PACRG: variants seen among roughly 807,000 people sequenced by gnomAD.
PACRG encodes the protein parkin coregulated gene protein.
Under a neutral mutation model 29.7 loss-of-function variants are expected in PACRG, and 29 were observed. That is an observed-to-expected ratio of 0.98 (90% CI 0.73 to 1.33). The LOEUF (loss-of-function observed/expected upper bound fraction) is 1.33. PACRG is among the 40% of genes most tolerant of loss of function. PACRG has a pLI of 0.00. For missense variants in PACRG, 279 were observed against 316.2 expected, an observed-to-expected ratio of 0.88 and a Z score of 0.89; for synonymous variants, 116 against 118.7, an observed-to-expected ratio of 0.98 and a Z score of 0.15.
intron 1 of PACRG, among the ~76,000 whole-genome samples, chr6:162,743,832 G>C (rs985998209): frequency 3.3e-5 from 5 of 151,454 alleles, no homozygotes; most frequent in Non-Finnish European, 5.9e-5. Flanking sequence ...TCATGCTAAG[G>C]AAAAAAAACC....
At chr6:162,771,504 G>A (rs1436025197) in intron 1 of PACRG, among the ~76,000 whole-genome samples, 1 of 152,096 alleles carries the variant, frequency 6.6e-6, no homozygotes, top group Non-Finnish European at 1.5e-5. Context: ...GGGAGTGGAG[G>A]TGGCTTCTAC....
At chr6:163,253,018 C>T (rs1283508050) in intron 4 of PACRG, among the ~76,000 whole-genome samples, 4 of 152,098 alleles carry the variant, frequency 2.6e-5, no homozygotes, top group Non-Finnish European at 1.5e-5. Context: ...AAAATCTGGC[C>T]AGGCATGGTG....
intron 3 of PACRG, among the ~76,000 whole-genome samples, chr6:163,079,290 C>T (rs1025951759): frequency 6.6e-6 from 1 of 151,738 alleles, no homozygotes; most frequent in African/African-American, 2.4e-5. Context: ...ACAGTAAAAA[C>T]TTTAGATGGA....
intron 2 of PACRG, among the ~76,000 whole-genome samples, chr6:162,814,510 G>A (rs12664922): frequency 0.43 from 64,741 of 151,890 alleles, 15,447 homozygotes; most frequent in African/African-American, 0.63. Context: ...GCCTTAGAGA[G>A]TTGTCTGCTG....
intron 1 of PACRG, among the ~76,000 whole-genome samples, chr6:162,742,388 C>G (rs917997991): frequency 6.6e-6 from 1 of 152,052 alleles, no homozygotes; most frequent in Non-Finnish European, 1.5e-5. Context: ...ACCATGATTG[C>G]GAGGCTTCTT....
intron 2 of PACRG, among the ~76,000 whole-genome samples, chr6:162,934,189 G>C (rs531405653): frequency 3.4e-4 from 51 of 152,172 alleles, no homozygotes; most frequent in African/African-American, 1.0e-3. Flanking sequence ...GCTTGAGCTG[G>C]GAGGCGGAGG....
chr6:163,303,594 C>T (rs1785085458), intron 4 of PACRG, among the ~76,000 whole-genome samples: 2 of 152,116 alleles, frequency 1.3e-5, no homozygotes, highest in Non-Finnish European at 1.5e-5. Flanking sequence ...TTTGCTGTTT[C>T]GCGAGCTGGT....
At chr6:162,727,358 G>A, upstream of PACRG, 1 of 441,134 alleles carries the variant, frequency 2.3e-6, no homozygotes. Context: ...GACCCCACAC[G>A]GTCCGGGGGA....
intron 4 of PACRG, among the ~76,000 whole-genome samples, chr6:163,152,054 A>C (rs1778114707): frequency 1.3e-5 from 2 of 152,232 alleles, no homozygotes; most frequent in South Asian, 4.1e-4. Flanking sequence ...CTGTGTGCAG[A>C]ACTTTATATT....
intron 4 of PACRG, among the ~76,000 whole-genome samples, chr6:163,160,299 C>A (rs1026984192): frequency 5.9e-5 from 9 of 152,248 alleles, no homozygotes; most frequent in African/African-American, 2.2e-4. Flanking sequence ...AAAATCCATC[C>A]CCTGGAAGCT....
intron 1 of PACRG, among the ~76,000 whole-genome samples, chr6:162,802,049 C>T (rs191119348): frequency 6.6e-6 from 1 of 152,220 alleles, no homozygotes; most frequent in East Asian, 1.9e-4. Context: ...AGGAACAATG[C>T]CTTCAGATCG....
intron 4 of PACRG, among the ~76,000 whole-genome samples, chr6:163,223,863 A>T (rs35742274): frequency 0.19 from 29,052 of 152,194 alleles, 3,609 homozygotes; most frequent in East Asian, 0.52. Context: ...TGGATGAAAA[A>T]TAAAGTAGAA....
chr6:163,037,009 G>C (rs941140819), intron 2 of PACRG, among the ~76,000 whole-genome samples: 1 of 152,102 alleles, frequency 6.6e-6, no homozygotes, highest in African/African-American at 2.4e-5. Context: ...CGAGAGAGGC[G>C]AATTGTAAAC....
chr6:162,835,022 T>C (rs1044427960), intron 2 of PACRG, among the ~76,000 whole-genome samples: 3 of 152,118 alleles, frequency 2.0e-5, no homozygotes, highest in Non-Finnish European at 4.4e-5. Flanking sequence ...CTTGGCCTCA[T>C]TGAGCCCTGT....
At chr6:163,309,830 C>T (rs1785340996) in intron 4 of PACRG, among the ~76,000 whole-genome samples, 1 of 152,168 alleles carries the variant, frequency 6.6e-6, no homozygotes, top group Non-Finnish European at 1.5e-5. Context: ...GCGATGCTGC[C>T]GCTTCAGCCA....
At chr6:162,881,267 A>G (rs796747706) in intron 2 of PACRG, among the ~76,000 whole-genome samples, 14 of 152,220 alleles carry the variant, frequency 9.2e-5, no homozygotes, top group Admixed American at 2.6e-4. Flanking sequence ...CAAACTTTCA[A>G]TGATGACTGC....
intron 4 of PACRG, among the ~76,000 whole-genome samples, chr6:163,229,445 G>A (rs951051588): frequency 1.3e-5 from 2 of 152,182 alleles, no homozygotes; most frequent in African/African-American, 2.4e-5. Flanking sequence ...GCTTCTCAGA[G>A]CACTCAGATT....
intron 4 of PACRG, among the ~76,000 whole-genome samples, chr6:163,159,748 A>G (rs1778476067): frequency 6.6e-6 from 1 of 152,344 alleles, no homozygotes; most frequent in Middle Eastern, 3.4e-3. Flanking sequence ...CATTTCAGCA[A>G]TAGTATTCTA....
At chr6:162,753,478 G>A (rs191955427) in intron 1 of PACRG, among the ~76,000 whole-genome samples, 62 of 152,094 alleles carry the variant, frequency 4.1e-4, no homozygotes, top group African/African-American at 1.3e-3. Flanking sequence ...AATTTATATC[G>A]CAATTTTTTA....
Sources: allele counts gnomAD v4.1 joint callset (sites outside exome capture counted in the v4.1 genomes callset), GRCh38; gene constraint gnomAD v4.1.1; transcripts MANE v1.5; gene names NCBI Gene and HGNC (gene_info 2026-07-23, HGNC 2026-07-21).